Variants in APOO observed in about 807,000 individuals in gnomAD.
The protein encoded by APOO is apolipoprotein O.
In APOO, 11 loss-of-function variants were observed where a neutral mutation model predicts 23.1. The ratio of observed to expected loss-of-function variants is 0.48; its 90% CI spans 0.30 to 0.79. The LOEUF is 0.79. Among genes scored for constraint, APOO ranks in the 30% least tolerant of loss-of-function variants. The pLI is 0.07. For missense variants in APOO, 160 were observed against 142.7 expected (o/e 1.12, Z -0.62); for synonymous variants, 59 against 54.8 (o/e 1.08, Z -0.34).
chrX:23,886,673 A>G (rs1370140554), intron 1 of APOO, among the ~76,000 whole-genome samples: 1 of 110,893 alleles, frequency 9.0e-6, no homozygotes, highest in Non-Finnish European at 1.9e-5. Flanking sequence ...ATCTTGGCTG[A>G]TTCATCTTCC....
chrX:23,896,434 A>T (rs1202824200), intron 1 of APOO, among the ~76,000 whole-genome samples: 1 of 112,027 alleles, frequency 8.9e-6, no homozygotes, highest in African/African-American at 3.2e-5. Flanking sequence ...GGTTTGCCAC[A>T]AAGTTTGAAG....
intron 7 of APOO, among the ~76,000 whole-genome samples, chrX:23,844,908 G>A (rs1924164805): frequency 8.9e-6 from 1 of 112,254 alleles, no homozygotes; most frequent in Admixed American, 9.5e-5. Flanking sequence ...CATGAGTGGT[G>A]GTTGATGACT....
At position 23,876,277 on chromosome X, in the gene APOO, A is replaced by T. The variant is rs746246059; in HGVS notation, c.238-1820T>A. ...GACTCCGTCTCAAAAAAATAAAAAA[A>T]ATAAAAATAAAAATAAAAATATTAG... On this transcript the variant is annotated intron_variant, in intron 3 of 8. Coordinates refer to ENST00000379226, the MANE Select transcript of APOO (RefSeq NM_024122.5). 7.8e-5 allele frequency among the ~76,000 whole-genome samples: 8 copies of T among 103,097 alleles called. No homozygotes were observed. In the South Asian group the frequency reaches 5.1e-3, roughly 66 times the overall value. 89.5% of individuals were successfully genotyped at this position (103,097 alleles called of 115,157 possible).
intron 7 of APOO, among the ~76,000 whole-genome samples, chrX:23,845,062 G>A (rs1245432037): frequency 8.9e-6 from 1 of 111,859 alleles, no homozygotes; most frequent in East Asian, 2.8e-4. Flanking sequence ...GTAAGAGGCA[G>A]AGGTGGGGTA....
intron 1 of APOO, among the ~76,000 whole-genome samples, chrX:23,888,166 C>T (rs1406711523): frequency 8.9e-6 from 1 of 112,065 alleles, no homozygotes; most frequent in Non-Finnish European, 1.9e-5. Context: ...ACTTTTGTTT[C>T]GCACAGCCCG....
intron 6 of APOO, 31 bp from the exon 7 acceptor site, chrX:23,856,413 C>T (rs914096356): frequency 6.1e-5 from 66 of 1,087,380 alleles, no homozygotes; most frequent in Non-Finnish European, 7.9e-5. Context: ...ATCTTACCAT[C>T]TGACCCAGCA....
chrX:23,898,676 C>A (rs1011479418), intron 1 of APOO, among the ~76,000 whole-genome samples: 13 of 111,925 alleles, frequency 1.2e-4, no homozygotes, highest in African/African-American at 4.2e-4. Flanking sequence ...ACAGGACTCC[C>A]AAATGGTGTG....
intron 7 of APOO, among the ~76,000 whole-genome samples, chrX:23,849,609 A>AAAAAG (rs1311653969): frequency 1.2e-3 from 115 of 94,375 alleles, no homozygotes; most frequent in African/African-American, 3.7e-3. Context: ...AAAAAAAAAA[A>AAAAAG]GTTCGGGCAT....
chrX:23,862,937 G>A lies in APOO; in HGVS notation c.389-4204C>T, dbSNP rs188322661. 8.4e-3 allele frequency among the ~76,000 whole-genome samples: 606 copies of A among 71,743 alleles called. 9 individuals carry two copies. The highest frequency in any genetic ancestry group is 0.03 in the African/African-American group (575 of 19,040). 62.3% of individuals were successfully genotyped at this position (71,743 alleles called of 115,157 possible). A position where few individuals can be genotyped will look rare whatever the true frequency, so the allele number is the denominator to read the frequency against. On this transcript the variant is annotated intron_variant, in intron 5 of 8. Transcript: ENST00000379226. ...GAAGGAGGGAAGGGGAGAGAGGGAGGGGAGGGCAGGGAAGGGAGAAGGAGG... is the reference window on the plus strand; with the variant it reads ...GAAGGAGGGAAGGGGAGAGAGGGAGAGGAGGGCAGGGAAGGGAGAAGGAGG...
chrX:23,880,744 T>G, intron 2 of APOO, 101 bp downstream of exon 2: 1 of 295,363 alleles, frequency 3.4e-6, no homozygotes, highest in Non-Finnish European at 5.5e-6. Context: ...ATAAATGTAT[T>G]TTAAACAGTC....
intron 7 of APOO, among the ~76,000 whole-genome samples, chrX:23,843,922 A>T (rs1456747058): frequency 3.6e-5 from 4 of 112,204 alleles, no homozygotes; most frequent in African/African-American, 1.3e-4. Context: ...AAACTTTTTA[A>T]GAAAATCAAG....
At chrX:23,889,808 C>T (rs1271525502) in intron 1 of APOO, among the ~76,000 whole-genome samples, 1 of 109,271 alleles carries the variant, frequency 9.2e-6, no homozygotes, top group Non-Finnish European at 1.9e-5. Context: ...ACTACAGGCA[C>T]CAGCCACCAC....
At chrX:23,856,831 G>C (rs1924805689) in intron 6 of APOO, among the ~76,000 whole-genome samples, 1 of 113,094 alleles carries the variant, frequency 8.8e-6, no homozygotes, top group African/African-American at 3.2e-5. Flanking sequence ...TGGGATTACA[G>C]GCGTGGGCCA....
intron 7 of APOO, among the ~76,000 whole-genome samples, chrX:23,841,543 C>T (rs1428994150): frequency 9.6e-6 from 1 of 104,678 alleles, no homozygotes; most frequent in African/African-American, 3.5e-5. Flanking sequence ...AGTATATGGT[C>T]ACCACATCCA....
intron 1 of APOO, among the ~76,000 whole-genome samples, chrX:23,892,756 G>A (rs1432374966): frequency 1.9e-5 from 2 of 102,977 alleles, no homozygotes; most frequent in Non-Finnish European, 4.0e-5. Flanking sequence ...CGACAGAGCG[G>A]GACTCCGTCA....
At chrX:23,862,868 GGGAT>G (rs1238511096) in intron 5 of APOO, among the ~76,000 whole-genome samples, 9 of 66,597 alleles carry the variant, frequency 1.4e-4, no homozygotes, top group Admixed American at 5.2e-4. Flanking sequence ...AGGGGAGGGA[GGGAT>G]GCAGGGGATG....
intron 1 of APOO, among the ~76,000 whole-genome samples, chrX:23,894,248 G>A (rs1569244523): frequency 3.7e-5 from 4 of 109,126 alleles, no homozygotes; most frequent in African/African-American, 1.3e-4. Context: ...GGGTTTAAGC[G>A]ATTCTCCTAC....
Position 23,907,744 on chromosome X carries a change from G to A in APOO, c.-42C>T, listed in dbSNP as rs373118451. 152 of 1,155,658 alleles carry A rather than the reference G, an allele frequency of 1.3e-4. No homozygotes were observed. The African/African-American group carries it at 2.4e-3, about 18-fold the overall frequency. ...GCTCCGGCAGGGTCACCCCGGCCTC[G>A]GCCACGCCCACTATAGAGAGGTGAC... On this transcript the variant is annotated 5_prime_UTR_variant, in exon 1 of 9. Transcript: ENST00000379226.
intron 5 of APOO, among the ~76,000 whole-genome samples, chrX:23,867,624 G>T (rs1271261270): frequency 9.0e-6 from 1 of 111,156 alleles, no homozygotes. Flanking sequence ...CTCACTGCAA[G>T]CCCCGTCTCC....
Sources: gnomAD v4.1 joint callset for allele counts (sites outside exome capture counted in the v4.1 genomes callset) on GRCh38, gnomAD v4.1.1 for gene constraint, MANE v1.5 for transcripts, NCBI Gene and HGNC (gene_info 2026-07-23, HGNC 2026-07-21) for gene names.